GDNF: variants seen among roughly 807,000 people sequenced by gnomAD.
The protein encoded by GDNF is glial cell derived neurotrophic factor, also known as glial cell line-derived neurotrophic factor.
GDNF carries 5 observed loss-of-function variants against 13.7 expected under a neutral mutation model. The observed-to-expected ratio is 0.36, with a 90% CI of 0.19 to 0.77. The LOEUF is 0.77. GDNF is among the 30% of genes least tolerant of loss of function. GDNF has a pLI of 0.51. For missense variants in GDNF, 246 were observed against 274.3 expected, an observed-to-expected ratio of 0.90 and a Z score of 0.73; for synonymous variants, 122 against 112.5, an observed-to-expected ratio of 1.08 and a Z score of -0.53.
At position 37,815,493 on chromosome 5, in the gene GDNF, C is replaced by T. The variant is rs1749878968; in HGVS notation, c.*158G>A. 1 of 598,012 alleles carries T rather than the reference C, an allele frequency of 1.7e-6. No homozygotes were observed. The highest frequency in any genetic ancestry group is 2.9e-6 in the Non-Finnish European group (1 of 340,502). 37.0% of individuals were successfully genotyped at this position (598,012 alleles called of 1,614,324 possible). A position where few individuals can be genotyped will look rare whatever the true frequency, so the allele number is the denominator to read the frequency against. On this transcript the variant is annotated 3_prime_UTR_variant, in exon 3 of 3. Transcript: ENST00000326524. This position sits in a 1 kb window ranked among gnomAD's most constrained non-coding sequence, Gnocchi z 5.0. The stretch of plus-strand genomic sequence containing the variant: ...GGCTCCCATGATGGCTGCCTTCCTC[C>T]TCCTCCTCCTCCTCCTCCTCCTCCT...
At chr5:37,836,854 T>G (rs1394342334) in intron 1 of GDNF, among the ~76,000 whole-genome samples, 1 of 152,238 alleles carries the variant, frequency 6.6e-6, no homozygotes, top group African/African-American at 2.4e-5. Flanking sequence ...GACGGAGGGC[T>G]TTTTAAATTG....
Position 37,815,444 on chromosome 5 carries a change from C to T in GDNF, c.*207G>A, listed in dbSNP as rs1749875497. 3.2e-6 allele frequency: 2 copies of T among 622,850 alleles called. No homozygotes were observed. The highest frequency in any genetic ancestry group is 2.6e-5 in the Admixed American group (1 of 38,588). 38.6% of individuals were successfully genotyped at this position (622,850 alleles called of 1,614,324 possible). A position where few individuals can be genotyped will look rare whatever the true frequency, so the allele number is the denominator to read the frequency against. ...TTTTCTCTCTCTCCTGTCCAGTTGT[C>T]TGTAGCTGGATCTCCCTCTACCAGG... On this transcript the variant is annotated 3_prime_UTR_variant, in exon 3 of 3. Transcript: ENST00000326524. The surrounding 1 kb of genome is among the most constrained non-coding windows in gnomAD (Gnocchi z 5.0).
In GDNF at chr5:37,834,830, G is replaced by A. The variant is rs563035139; in HGVS notation, c.-26-8C>T. Reference sequence around the variant, plus strand: ...CCCGTCCGGCGGCGGCACCTGCGCGGGCAGGCGGGAGGTGGGGGAGAGAAC... The same window carrying A: ...CCCGTCCGGCGGCGGCACCTGCGCGAGCAGGCGGGAGGTGGGGGAGAGAAC... On this transcript the variant is annotated splice_polypyrimidine_tract_variant and splice_region_variant and intron_variant, in intron 1 of 2. Coordinates refer to ENST00000326524, the MANE Select transcript of GDNF (RefSeq NM_000514.4). 1.2e-6 allele frequency: 2 copies of A among 1,612,284 alleles called. No homozygotes were observed. Among genetic ancestry groups the A allele is most frequent in the Non-Finnish European group, 1.7e-6 (2 of 1,179,096 alleles).
intron 2 of GDNF, among the ~76,000 whole-genome samples, chr5:37,833,068 C>G (rs1750576425): frequency 6.6e-6 from 1 of 152,192 alleles, no homozygotes; most frequent in African/African-American, 2.4e-5. Context: ...AGCCAGGAGC[C>G]TGAGCCAGAA....
At chr5:37,817,622 T>C (rs1381952417) in intron 2 of GDNF, among the ~76,000 whole-genome samples, 1 of 152,026 alleles carries the variant, frequency 6.6e-6, no homozygotes, top group East Asian at 1.9e-4. Context: ...TGTGTGTGTG[T>C]GTGTGTGTAA....
rs1311118745 is a variant in GDNF at position 37,838,559 on chromosome 5, C to T, written c.-27+948G>A. On this transcript the variant is annotated intron_variant, in intron 1 of 2. Coordinates refer to ENST00000326524, the MANE Select transcript of GDNF (RefSeq NM_000514.4). This position sits in a 1 kb window ranked among gnomAD's most constrained non-coding sequence, Gnocchi z 4.1. ...GCGAGCTCTGGGATGGGTAAGCCCC[C>T]CGGGGGCGCGCACATGGGTCCTGGC... Among the ~76,000 whole-genome samples the T allele has an allele frequency of 3.3e-5, 5 of 152,212 alleles. No homozygotes were observed. Among genetic ancestry groups the T allele is most frequent in the African/African-American group, 9.6e-5 (4 of 41,460 alleles).
chr5:37,826,411 G>T (rs1421147435), intron 2 of GDNF, among the ~76,000 whole-genome samples: 1 of 152,204 alleles, frequency 6.6e-6, no homozygotes, highest in Non-Finnish European at 1.5e-5. Flanking sequence ...AGGGGATCCA[G>T]ACACTGGTCC....
chr5:37,821,855 A>G (rs1750152695), intron 2 of GDNF, among the ~76,000 whole-genome samples: 1 of 152,246 alleles, frequency 6.6e-6, no homozygotes, highest in African/African-American at 2.4e-5. Context: ...GTAATAGCTG[A>G]ACTCAAAATT....
intron 1 of GDNF, 135 bp from the exon 2 acceptor site, chr5:37,834,957 G>A (rs1217228646): frequency 9.1e-6 from 7 of 768,430 alleles, no homozygotes; most frequent in Non-Finnish European, 1.5e-5. Context: ...GCGGCTCCTC[G>A]GGCACTCCTG....
At chr5:37,834,930 G>C (rs982522670) in intron 1 of GDNF, 108 bp from the exon 2 acceptor site, 6 of 1,000,262 alleles carry the variant, frequency 6.0e-6, no homozygotes, top group South Asian at 3.1e-5. Flanking sequence ...GCCCTCCTCC[G>C]GCACCGCTGC....
intron 2 of GDNF, among the ~76,000 whole-genome samples, chr5:37,833,306 G>A (rs946516135): frequency 1.3e-5 from 2 of 152,132 alleles, no homozygotes; most frequent in Admixed American, 6.5e-5. Flanking sequence ...TTGGAGAAAC[G>A]TTTATATACA....
chr5:37,834,137 TG>T (rs922269952), intron 2 of GDNF, among the ~76,000 whole-genome samples: 11 of 152,368 alleles, frequency 7.2e-5, no homozygotes, highest in African/African-American at 2.6e-4. Flanking sequence ...GTTCTGGAAA[TG>T]GAGGCCCTTC....
chr5:37,821,009 C>T (rs1750118739), intron 2 of GDNF, among the ~76,000 whole-genome samples: 2 of 152,034 alleles, frequency 1.3e-5, no homozygotes, highest in African/African-American at 4.8e-5. Context: ...GAAAGGGCAA[C>T]ATTGTATTTT....
At chr5:37,834,311 GGT>G (rs1322645887) in intron 2 of GDNF, among the ~76,000 whole-genome samples, 2 of 152,248 alleles carry the variant, frequency 1.3e-5, no homozygotes, top group Non-Finnish European at 2.9e-5. Flanking sequence ...AGTGTGTATA[GGT>G]GAGGAAACAG....
intron 1 of GDNF, chr5:37,835,693 C>T (rs1364643663): frequency 6.5e-7 from 1 of 1,542,734 alleles, no homozygotes; most frequent in Non-Finnish European, 8.8e-7. Context: ...GTGGTATACC[C>T]GAAAACCCTC....
At chr5:37,820,909 G>A (rs1750115075) in intron 2 of GDNF, among the ~76,000 whole-genome samples, 1 of 151,924 alleles carries the variant, frequency 6.6e-6, no homozygotes, top group Non-Finnish European at 1.5e-5. Context: ...TTAAGCTGAA[G>A]GCTTTTTTTT....
At chr5:37,834,851 AG>A (rs750449876) in intron 1 of GDNF, 29 bp from the exon 2 acceptor site, 1 of 1,603,532 alleles carries the variant, frequency 6.2e-7, no homozygotes, top group South Asian at 1.1e-5. Flanking sequence ...GGTGGGGGAG[AG>A]AACCGCAGAA....
Position 37,834,727 on chromosome 5 carries a change from C to G in GDNF, c.70G>C (p.Ala24Pro). ...GGCGCCTCGGGAGGCCTCTTACCGG[C>G]GGGCAGCGGGAAGGCGGACGCGGTG... is the stretch of plus-strand genomic sequence containing the variant. ...LHTASAFPLPAGKRPPEAPAE... is the reference protein window; with the variant it reads ...LHTASAFPLPPGKRPPEAPAE... The change falls in exon 2 of 3, where the codon GCC becomes CCC. Residue 24 changes from alanine to proline, a missense_variant. Physicochemically the swap from Ala to Pro is conservative, Grantham distance 27. Transcript: ENST00000326524. The G allele has an allele frequency of 6.2e-7, 1 of 1,611,520 alleles. No individual in the cohort carries two copies. Among genetic ancestry groups the G allele is most frequent in the East Asian group, 2.2e-5 (1 of 44,778 alleles).
chr5:37,836,064 C>T (rs970594118), intron 1 of GDNF, among the ~76,000 whole-genome samples: 6 of 152,078 alleles, frequency 3.9e-5, no homozygotes, highest in Admixed American at 1.3e-4. Context: ...CCAGTGCCTT[C>T]CTAATCCCAG....
Sources: allele counts gnomAD v4.1 joint callset (sites outside exome capture counted in the v4.1 genomes callset), GRCh38; gene constraint gnomAD v4.1.1; non-coding constraint Gnocchi (gnomAD v3.1); transcripts MANE v1.5; gene names NCBI Gene and HGNC (gene_info 2026-07-23, HGNC 2026-07-21).